Variants in PHF12 observed in about 807,000 individuals in gnomAD.
The protein encoded by PHF12 is PHD factor 1.
PHF12 carries 6 observed loss-of-function variants against 99.8 expected under a neutral mutation model. The ratio of observed to expected loss-of-function variants is 0.06; its 90% confidence interval spans 0.03 to 0.12. The LOEUF (loss-of-function observed/expected upper bound fraction) is 0.12. Ranked by LOEUF, PHF12 falls within the 10% of genes least tolerant of loss-of-function variation. The pLI is 1.00. For synonymous variants in PHF12, 480 were observed against 514.9 expected (o/e 0.93, Z 0.92); for missense variants, 954 against 1,300.1 (o/e 0.73, Z 4.09).
chr17:28,927,473 A>G (rs2040302759), intron 2 of PHF12, among the ~76,000 whole-genome samples: 1 of 152,074 alleles, frequency 6.6e-6, no homozygotes, highest in Non-Finnish European at 1.5e-5. Context: ...AAGACTTCCT[A>G]TTTCTTCCTC....
At chr17:28,910,007 A>C (rs2039930165) in intron 11 of PHF12, 1 of 708,974 alleles carries the variant, frequency 1.4e-6, no homozygotes, top group Non-Finnish European at 2.5e-6. Flanking sequence ...ATATGAAAGA[A>C]AGTTACAGCA....
At position 28,946,607 on chromosome 17, in the gene PHF12, G is replaced by C. The variant is rs1400609928; in HGVS notation, c.248+3458C>G. ...TGAGGCAGACTGGCAAGGAATACTA[G>C]AGACTGAAAAAAGACTTATCCCACA... On this transcript the variant is annotated intron_variant, in intron 2 of 14. Coordinates refer to ENST00000332830, the MANE Select transcript of PHF12 (RefSeq NM_001033561.2). Among the ~76,000 whole-genome samples, 5 of 152,204 alleles carry C rather than the reference G, an allele frequency of 3.3e-5. No homozygotes were observed. The East Asian group carries it at 9.6e-4, about 29-fold the overall frequency.
At chr17:28,916,972 T>C (rs1018624311) in intron 7 of PHF12, among the ~76,000 whole-genome samples, 4 of 152,170 alleles carry the variant, frequency 2.6e-5, no homozygotes, top group East Asian at 1.9e-4. Context: ...CAGGAACAGA[T>C]AGAATGAGCG....
Position 28,910,284 on chromosome 17 carries a change from T to C in PHF12, c.2301A>G (p.Gln767=), listed in dbSNP as rs1035356853. The C allele has an allele frequency of 5.6e-6, 9 of 1,614,042 alleles. No homozygotes were observed. The African/African-American group carries it at 6.7e-5, about 12-fold the overall frequency. ...RIHQLFPSRV[Q]PSPGSVGTHQ... ...GTGTCCCGACACTGCCCGGTGAAGG[T>C]TGGACCCGGGAGGGGAAAAGCTGAT... Residue 767 remains glutamine, a synonymous_variant, in exon 11 of 15, where the codon CAA becomes CAG. Coordinates refer to ENST00000332830, the MANE Select transcript of PHF12 (RefSeq NM_001033561.2).
At chr17:28,907,149 G>T in intron 13 of PHF12, 155 bp from the exon 14 acceptor site, 1 of 816,764 alleles carries the variant, frequency 1.2e-6, no homozygotes, top group African/African-American at 1.7e-5. Flanking sequence ...AAGGGGGCTG[G>T]AGACACCTCC....
intron 5 of PHF12, among the ~76,000 whole-genome samples, chr17:28,919,660 A>C (rs2040125868): frequency 6.6e-6 from 1 of 152,146 alleles, no homozygotes; most frequent in Admixed American, 6.5e-5. Flanking sequence ...GAATTGCTTG[A>C]ACCTAGGAGG....
At chr17:28,921,584 A>G in intron 5 of PHF12, 104 bp downstream of exon 5, 4 of 1,403,286 alleles carry the variant, frequency 2.9e-6, no homozygotes, top group Non-Finnish European at 3.0e-6. Flanking sequence ...CTATCAGAAT[A>G]TGGGCTGTTC....
chr17:28,929,513 G>C (rs1023748012), intron 2 of PHF12, among the ~76,000 whole-genome samples: 9 of 152,178 alleles, frequency 5.9e-5, no homozygotes, highest in Non-Finnish European at 1.0e-4. Flanking sequence ...CCAAAGTGCT[G>C]GGTGTACAGG....
At position 28,917,266 on chromosome 17, in the gene PHF12, G is replaced by A. The variant is rs144546757; in HGVS notation, c.1134+19C>T. 4.9e-5 allele frequency: 79 copies of A among 1,612,820 alleles called. No homozygotes were observed. In the East Asian group the frequency reaches 1.4e-3, roughly 28 times the overall value. ...TGGCAGGCAGACTACCATCTTGCCT[G>A]CACCTGATTGTGACTCACCTTCAAG... On this transcript the variant is annotated intron_variant, in intron 7 of 14. Coordinates refer to ENST00000332830, the MANE Select transcript of PHF12 (RefSeq NM_001033561.2).
chr17:28,910,203 G>T (rs2039933760), intron 11 of PHF12, 23 bp downstream of exon 11: 26 of 1,614,194 alleles, frequency 1.6e-5, no homozygotes, highest in Non-Finnish European at 2.2e-5. Context: ...TGATGATGTG[G>T]TGACAGGTGT....
At position 28,912,797 on chromosome 17, in the gene PHF12, C is replaced by T; in HGVS notation, c.1774G>A (p.Gly592Ser). The T allele has an allele frequency of 6.2e-7, 1 of 1,609,718 alleles. No homozygotes were observed. The highest frequency in any genetic ancestry group is 8.5e-7 in the Non-Finnish European group (1 of 1,177,032). The change falls in exon 9 of 15, where the codon GGC becomes AGC. Residue 592 changes from glycine (G) to serine (S), a missense_variant. Coordinates refer to ENST00000332830, the MANE Select transcript of PHF12 (RefSeq NM_001033561.2). ...PRPLTPPAAG[G>S]LQNHTVGIIV... ...ATGCCGACGGTGTGGTTCTGAAGGC[C>T]CCCAGCCGCTGGTGGCGTGAGGGGC...
intron 12 of PHF12, chr17:28,908,054 C>T (rs570312945): frequency 5.7e-6 from 1 of 176,848 alleles, no homozygotes; most frequent in South Asian, 1.2e-4. Flanking sequence ...TCCTTCTGTA[C>T]CAGATACAGA....
intron 12 of PHF12, 21 bp downstream of exon 12, chr17:28,908,762 C>G: frequency 6.2e-7 from 1 of 1,610,734 alleles, no homozygotes; most frequent in Non-Finnish European, 8.5e-7. Flanking sequence ...AGTGTCTCTC[C>G]CAGCTTCCTG....
At chr17:28,919,544 G>T (rs2040123280) in intron 5 of PHF12, among the ~76,000 whole-genome samples, 1 of 152,092 alleles carries the variant, frequency 6.6e-6, no homozygotes, top group Admixed American at 6.6e-5. Flanking sequence ...ACTGAGACTA[G>T]CCTGACCAAC....
In PHF12 at chr17:28,906,253, C is replaced by T; in HGVS notation, c.2945G>A (p.Gly982Glu). ...PKGDASLLQD[G>E]VLAEKLSLKP... ...GAGAGAGAGCTTCTCGGCCAAGACC[C>T]CATCCTGCAGCAGGCTGGCATCGCC... Residue 982 changes from glycine to glutamate, a missense_variant, in exon 15 of 15, where the codon GGG (glycine) becomes GAG (glutamate). Gly to Glu is a moderately conservative substitution (Grantham distance 98, BLOSUM62 -2). Around this residue, in one of 8 missense-constraint regions of PHF12, gnomAD observed 136 missense variants for 172.3 expected, o/e 0.79. Coordinates refer to ENST00000332830, the MANE Select transcript of PHF12 (RefSeq NM_001033561.2). The surrounding 1 kb of genome is among the most constrained non-coding windows in gnomAD (Gnocchi z 4.2). 1.2e-6 allele frequency: 2 copies of T among 1,613,560 alleles called. No homozygotes were observed. Among genetic ancestry groups the T allele is most frequent in the Non-Finnish European group, 1.7e-6 (2 of 1,179,488 alleles).
Position 28,941,634 on chromosome 17 carries a change from G to A in PHF12, c.248+8431C>T, listed in dbSNP as rs1190345983. ...ATTAAAATCTTTTTTTTTTGAGATG[G>A]AGTTTCACTCTTGGTGCCCAGGCTA... is the stretch of plus-strand genomic sequence containing the variant. On this transcript the variant is annotated intron_variant, in intron 2 of 14. Coordinates refer to ENST00000332830, the MANE Select transcript of PHF12 (RefSeq NM_001033561.2). Among the ~76,000 whole-genome samples the A allele has an allele frequency of 2.0e-5, 3 of 151,818 alleles. No homozygotes were observed. The South Asian group carries it at 6.2e-4, about 32-fold the overall frequency.
At chr17:28,945,640 T>C (rs1246029835) in intron 2 of PHF12, among the ~76,000 whole-genome samples, 1 of 152,202 alleles carries the variant, frequency 6.6e-6, no homozygotes, top group East Asian at 1.9e-4. Context: ...TGATTACTGA[T>C]GCCCCATGGT....
intron 2 of PHF12, chr17:28,944,567 A>C (rs2040686972): frequency 9.4e-6 from 9 of 957,396 alleles, no homozygotes; most frequent in Non-Finnish European, 1.1e-5. Flanking sequence ...GAATCACTTG[A>C]ACCTGGAAGG....
chr17:28,927,788 G>A (rs2040310877), intron 2 of PHF12: 1 of 152,234 alleles, frequency 6.6e-6, no homozygotes, highest in Non-Finnish European at 1.5e-5. Context: ...TGCTATGAGA[G>A]AGGACATGGA....
Sources: allele counts gnomAD v4.1 joint callset (sites outside exome capture counted in the v4.1 genomes callset), GRCh38; gene constraint gnomAD v4.1.1; regional missense constraint gnomAD v4.1.1; non-coding constraint Gnocchi (gnomAD v3.1); transcripts MANE v1.5; gene names NCBI Gene and HGNC (gene_info 2026-07-23, HGNC 2026-07-21).